The following DPYD variants were observed in gnomAD, a reference collection of about 807,000 sequenced individuals.
DPYD encodes the protein dihydropyrimidine dehydrogenase.
Under a neutral mutation model 116.2 loss-of-function variants are expected in DPYD, and 109 were observed. The observed-to-expected ratio is 0.94, with a 90% CI of 0.80 to 1.10. The LOEUF is 1.10. DPYD is among the 50% of genes least tolerant of loss of function. DPYD has a pLI of 0.00. For synonymous variants in DPYD, 440 were observed against 432.0 expected (o/e 1.02, Z -0.23); for missense variants, 1,302 against 1,254.5 (o/e 1.04, Z -0.57).
intron 8 of DPYD, among the ~76,000 whole-genome samples, chr1:97,633,719 C>G (rs1036787005): frequency 6.6e-6 from 1 of 151,908 alleles, no homozygotes; most frequent in African/African-American, 2.4e-5. Flanking sequence ...TCACAGAAAA[C>G]AAGTGAAATT....
At chr1:97,084,056 G>T (rs900534413) in intron 21 of DPYD, among the ~76,000 whole-genome samples, 3 of 151,366 alleles carry the variant, frequency 2.0e-5, no homozygotes, top group Admixed American at 6.6e-5. Flanking sequence ...CTCTACCCTG[G>T]GCAATGCTGC....
intron 14 of DPYD, among the ~76,000 whole-genome samples, chr1:97,423,609 G>A (rs900950399): frequency 6.6e-6 from 1 of 152,108 alleles, no homozygotes; most frequent in Non-Finnish European, 1.5e-5. Flanking sequence ...GGGGCATTGA[G>A]AGGCAGATTG....
chr1:97,492,654 A>G (rs1439282093), intron 13 of DPYD, among the ~76,000 whole-genome samples: 1 of 152,182 alleles, frequency 6.6e-6, no homozygotes, highest in Non-Finnish European at 1.5e-5. Context: ...AATCATGAAG[A>G]GCACAGTCTG....
intron 15 of DPYD, among the ~76,000 whole-genome samples, chr1:97,375,768 A>T (rs1261701528): frequency 1.3e-5 from 2 of 152,216 alleles, no homozygotes; most frequent in Non-Finnish European, 2.9e-5. Flanking sequence ...CAGCTTAGTG[A>T]AAAGATTGTA....
chr1:97,637,436 C>A (rs944455551), intron 8 of DPYD, among the ~76,000 whole-genome samples: 1 of 151,934 alleles, frequency 6.6e-6, no homozygotes, highest in Non-Finnish European at 1.5e-5. Context: ...CTGATAATAT[C>A]TTTTGGCAGT....
chr1:97,684,566 A>C (rs114503807), intron 7 of DPYD, among the ~76,000 whole-genome samples: 1,867 of 151,776 alleles, frequency 0.012, 34 homozygotes, highest in African/African-American at 0.042. Context: ...TTTTTTGAAA[A>C]AAAAATATAT....
chr1:97,139,223 T>G (rs1654029316), intron 20 of DPYD, among the ~76,000 whole-genome samples: 1 of 152,156 alleles, frequency 6.6e-6, no homozygotes, highest in Non-Finnish European at 1.5e-5. Context: ...AACAAGTCAG[T>G]CATGGTGCCT....
At position 97,613,730 on chromosome 1, in the gene DPYD, AATAAG is replaced by A. The variant is rs956731526; in HGVS notation, c.851-18569_851-18565del. On this transcript the variant is annotated intron_variant, in intron 8 of 22. Coordinates refer to ENST00000370192, the MANE Select transcript of DPYD (RefSeq NM_000110.4). ...TTTTAGGCACAAAGGACATGACAGA[AATAAG>A]ATAAATAGACAACAATGGGTATGAT... is the stretch of plus-strand genomic sequence containing the variant. Among the ~76,000 whole-genome samples, 101 of 152,094 alleles carry A rather than the reference AATAAG, an allele frequency of 6.6e-4. 3 individuals carry two copies. Among genetic ancestry groups the A allele is most frequent in the South Asian group, 4.1e-4 (2 of 4,832 alleles).
intron 5 of DPYD, among the ~76,000 whole-genome samples, chr1:97,703,841 T>C (rs1661745345): frequency 6.6e-6 from 1 of 152,056 alleles, no homozygotes; most frequent in Non-Finnish European, 1.5e-5. Context: ...ATTTTTAATA[T>C]GATTTTTATG....
At chr1:97,580,610 G>T (rs955748594) in intron 10 of DPYD, among the ~76,000 whole-genome samples, 4 of 152,142 alleles carry the variant, frequency 2.6e-5, no homozygotes, top group African/African-American at 9.7e-5. Flanking sequence ...CTTTAGTCAG[G>T]TTTCTGAACC....
At chr1:97,409,515 T>C (rs12096100) in intron 14 of DPYD, among the ~76,000 whole-genome samples, 2 of 152,060 alleles carry the variant, frequency 1.3e-5, no homozygotes, top group Non-Finnish European at 2.9e-5. Context: ...GAAAGAATCA[T>C]TGAGATGTAA....
chr1:97,824,139 G>C (rs1475416201), intron 3 of DPYD, among the ~76,000 whole-genome samples: 1 of 152,048 alleles, frequency 6.6e-6, no homozygotes, highest in Non-Finnish European at 1.5e-5. Flanking sequence ...GGGAGGTTTT[G>C]TTGTTAATTC....
intron 17 of DPYD, 92 bp from the exon 18 acceptor site, chr1:97,305,470 CTATTT>C (rs761092055): frequency 2.0e-6 from 3 of 1,530,348 alleles, no homozygotes; most frequent in African/African-American, 2.7e-5. Flanking sequence ...AAAATGCATT[CTATTT>C]TATCTTGAGA....
chr1:97,295,753 A>G (rs1666489732), intron 18 of DPYD: 1 of 984,056 alleles, frequency 1.0e-6, no homozygotes, highest in African/African-American at 1.7e-5. Context: ...TAAAATTGCC[A>G]GTGCTACTGT....
intron 13 of DPYD, among the ~76,000 whole-genome samples, chr1:97,460,303 G>C (rs1048453478): frequency 2.0e-5 from 3 of 152,130 alleles, no homozygotes; most frequent in South Asian, 2.1e-4. Flanking sequence ...AAAATGATGA[G>C]CTTGAGCTTG....
intron 13 of DPYD, among the ~76,000 whole-genome samples, chr1:97,512,236 CA>C (rs140448703): frequency 6.6e-6 from 1 of 151,500 alleles, no homozygotes; most frequent in Non-Finnish European, 1.5e-5. Context: ...ACTTTGATGC[CA>C]AAAAAAGAGG....
At chr1:97,599,926 ATCCCAGCTAT>A (rs1000887506) in intron 8 of DPYD, among the ~76,000 whole-genome samples, 3 of 147,370 alleles carry the variant, frequency 2.0e-5, no homozygotes. Context: ...CATGCCTGTA[ATCCCAGCTAT>A]TCCAGAGGCT....
chr1:97,419,527 T>A (rs1278187667), intron 14 of DPYD, among the ~76,000 whole-genome samples: 4 of 152,192 alleles, frequency 2.6e-5, no homozygotes, highest in Non-Finnish European at 5.9e-5. Context: ...TTAAAAACAA[T>A]TTTTGTTAAA....
At position 97,450,159 on chromosome 1, in the gene DPYD, G is replaced by C. The variant is rs893733251; in HGVS notation, c.1805C>G (p.Pro602Arg). The C allele has an allele frequency of 1.2e-6, 2 of 1,613,804 alleles. No individual in the cohort carries two copies. Among genetic ancestry groups the C allele is most frequent in the African/African-American group, 2.7e-5 (2 of 74,906 alleles). ...RGTTSGPMYGPGQSSFLNIEL... is the reference protein window; with the variant it reads ...RGTTSGPMYGRGQSSFLNIEL... ...AATATTCAGAAAGGAGCTTTGTCCA[G>C]GGCCATACATGGGGCCAGAGGTGGT... The change falls in exon 14 of 23, where the codon CCT becomes CGT. Residue 602 changes from proline (P) to arginine (R), a missense_variant. By Grantham distance (103) the Pro-to-Arg change is moderately radical. Transcript: ENST00000370192.
Sources: allele counts gnomAD v4.1 joint callset (sites outside exome capture counted in the v4.1 genomes callset), GRCh38; gene constraint gnomAD v4.1.1; transcripts MANE v1.5; gene names NCBI Gene and HGNC (gene_info 2026-07-23, HGNC 2026-07-21).